The following ADGRL2 variants were observed in gnomAD, a reference collection of about 807,000 sequenced individuals.
ADGRL2 encodes the protein calcium-independent alpha-latrotoxin receptor 2.
A neutral mutation model predicts 157.4 loss-of-function variants in ADGRL2; 44 were observed. The observed-to-expected ratio is 0.28, with a 90% confidence interval of 0.22 to 0.36. The LOEUF is 0.36. Ranked by LOEUF, ADGRL2 falls within the 10% of genes least tolerant of loss-of-function variation. ADGRL2 has a pLI of 1.00. For synonymous variants in ADGRL2, 585 were observed against 624.7 expected, an observed-to-expected ratio of 0.94 and a Z score of 0.95; for missense variants, 1,510 against 1,768.9, an observed-to-expected ratio of 0.85 and a Z score of 2.63.
chr1:81,721,583 C>G, intron 1 of ADGRL2: 1 of 522,654 alleles, frequency 1.9e-6, no homozygotes. Flanking sequence ...TGGCAAACCC[C>G]AGTTTCTACC....
chr1:81,538,075 TG>T (rs2079789987), intron 2 of ADGRL2, among the ~76,000 whole-genome samples: 1 of 152,222 alleles, frequency 6.6e-6, no homozygotes, highest in Non-Finnish European at 1.5e-5. Flanking sequence ...TTCATAATCA[TG>T]CTTTTTATAA....
chr1:81,625,581 G>A (rs79033284), intron 3 of ADGRL2: 1 of 152,094 alleles, frequency 6.6e-6, no homozygotes, highest in African/African-American at 2.4e-5. Context: ...AAACTGCAAG[G>A]CTGCCAAATT....
intron 5 of ADGRL2, 147 bp from the exon 6 acceptor site, chr1:81,942,822 G>A (rs769236808): frequency 4.1e-5 from 29 of 705,502 alleles, no homozygotes; most frequent in Non-Finnish European, 6.2e-5. Flanking sequence ...TAGAAAAGAA[G>A]GGTAGTATTT....
At chr1:81,399,213 A>G (rs2076709014) in intron 1 of ADGRL2, among the ~76,000 whole-genome samples, 1 of 152,168 alleles carries the variant, frequency 6.6e-6, no homozygotes, top group African/African-American at 2.4e-5. Flanking sequence ...CATGAGGACA[A>G]CAAGGGGGAA....
At chr1:81,685,837 A>C (rs2083218115) in intron 3 of ADGRL2, among the ~76,000 whole-genome samples, 1 of 152,130 alleles carries the variant, frequency 6.6e-6, no homozygotes, top group South Asian at 2.1e-4. Context: ...GAGAGTTTTA[A>C]TCATAAAGGG....
chr1:81,452,720 A>G (rs1448591956), intron 2 of ADGRL2, among the ~76,000 whole-genome samples: 1 of 152,212 alleles, frequency 6.6e-6, no homozygotes, highest in Non-Finnish European at 1.5e-5. Flanking sequence ...AGACTATCCA[A>G]GTTGAATCCT....
In ADGRL2 at chr1:81,434,098, T is replaced by C. The variant is rs367774108; in HGVS notation, c.-301-10938T>C. The stretch of plus-strand genomic sequence containing the variant: ...ATGCTATCTCTTCTGCCCCACTCTA[T>C]GCATCAAGCAAGTCAATAAGTCCAG... On this transcript the variant is annotated intron_variant, in intron 1 of 24. Coordinates refer to the ADGRL2 transcript ENST00000370721. Among the ~76,000 whole-genome samples the C allele has an allele frequency of 8.5e-5, 13 of 152,276 alleles. No homozygotes were observed. In the East Asian group the frequency reaches 1.7e-3, roughly 20 times the overall value.
At chr1:81,599,824 G>T (rs1422453239) in intron 3 of ADGRL2, among the ~76,000 whole-genome samples, 3 of 152,084 alleles carry the variant, frequency 2.0e-5, no homozygotes, top group Non-Finnish European at 4.4e-5. Context: ...ACAAATGCAG[G>T]CTTATCAGAT....
intron 2 of ADGRL2, among the ~76,000 whole-genome samples, chr1:81,562,082 C>A (rs894102105): frequency 6.6e-6 from 1 of 152,036 alleles, no homozygotes; most frequent in Non-Finnish European, 1.5e-5. Context: ...TCTCAAGTAA[C>A]CCAATCAACA....
intron 2 of ADGRL2, among the ~76,000 whole-genome samples, chr1:81,903,715 T>TTATATATATA (rs201399955): frequency 3.8e-4 from 55 of 145,164 alleles, no homozygotes; most frequent in Admixed American, 1.1e-3. Flanking sequence ...TATATATTCA[T>TTATATATATA]TATATATATA....
At chr1:81,893,241 T>C (rs1250448688) in intron 2 of ADGRL2, among the ~76,000 whole-genome samples, 2 of 149,876 alleles carry the variant, frequency 1.3e-5, no homozygotes, top group Non-Finnish European at 3.0e-5. Context: ...CCTGTCATTA[T>C]AAATCAGATT....
At chr1:81,341,389 G>T (rs1184226592) in intron 1 of ADGRL2, among the ~76,000 whole-genome samples, 1 of 151,738 alleles carries the variant, frequency 6.6e-6, no homozygotes, top group East Asian at 1.9e-4. Flanking sequence ...TCTTCAAAAA[G>T]GGCAGACAAA....
intron 2 of ADGRL2, among the ~76,000 whole-genome samples, chr1:81,877,757 C>T (rs1168472748): frequency 6.6e-6 from 1 of 151,842 alleles, no homozygotes; most frequent in Non-Finnish European, 1.5e-5. Flanking sequence ...AGACGTAGAC[C>T]TTAAAAGAAA....
chr1:81,601,646 GC>G, intron 3 of ADGRL2, among the ~76,000 whole-genome samples: 1 of 152,238 alleles, frequency 6.6e-6, no homozygotes, highest in Non-Finnish European at 1.5e-5. Flanking sequence ...ACAAAAAACA[GC>G]ACAAGGAAAG....
intron 3 of ADGRL2, among the ~76,000 whole-genome samples, chr1:81,603,942 T>A (rs2081381901): frequency 6.6e-6 from 1 of 151,476 alleles, no homozygotes; most frequent in Admixed American, 6.6e-5. Flanking sequence ...TTTCACTAGA[T>A]CATAAGAGCC....
chr1:81,400,969 T>C (rs1557660819), intron 1 of ADGRL2, among the ~76,000 whole-genome samples: 1 of 152,092 alleles, frequency 6.6e-6, no homozygotes, highest in Non-Finnish European at 1.5e-5. Flanking sequence ...AAAGGCAACA[T>C]TTTCTCAGGG....
chr1:81,821,609 C>A (rs983144194), intron 1 of ADGRL2, among the ~76,000 whole-genome samples: 1 of 152,034 alleles, frequency 6.6e-6, no homozygotes, highest in African/African-American at 2.4e-5. Flanking sequence ...TGAATAATAT[C>A]TATGGTTTAA....
intron 2 of ADGRL2, among the ~76,000 whole-genome samples, chr1:81,521,016 A>AAAGTTTCAC (rs1314716626): frequency 6.6e-6 from 1 of 152,212 alleles, no homozygotes; most frequent in Non-Finnish European, 1.5e-5. Flanking sequence ...AATAAGCCAG[A>AAAGTTTCAC]AAGTTTCACA....
chr1:81,896,422 A>G (rs946720903), intron 2 of ADGRL2, among the ~76,000 whole-genome samples: 1 of 152,112 alleles, frequency 6.6e-6, no homozygotes, highest in South Asian at 2.1e-4. Flanking sequence ...TTAAGAGCAT[A>G]TTTTCATAGT....
Sources: allele counts gnomAD v4.1 joint callset (sites outside exome capture counted in the v4.1 genomes callset), GRCh38; gene constraint gnomAD v4.1.1; transcripts MANE v1.5; gene names NCBI Gene and HGNC (gene_info 2026-07-23, HGNC 2026-07-21).